Variants in GRID2 observed in about 807,000 individuals in gnomAD.
GRID2 encodes the protein glutamate ionotropic receptor delta type subunit 2, also known as glutamate receptor ionotropic, delta-2.
Under a neutral mutation model 114.8 loss-of-function variants are expected in GRID2, and 33 were observed. That is an observed-to-expected ratio of 0.29 (90% CI 0.22 to 0.38). The LOEUF is 0.38. Ranked by LOEUF, GRID2 falls within the 10% of genes least tolerant of loss-of-function variation. The pLI is 1.00. For synonymous variants in GRID2, 505 were observed against 449.9 expected (o/e 1.12, Z -1.55); for missense variants, 1,184 against 1,257.7 (o/e 0.94, Z 0.89).
intron 9 of GRID2, 54 bp downstream of exon 9, chr4:93,395,762 T>G: frequency 1.3e-6 from 1 of 765,496 alleles, no homozygotes; most frequent in Non-Finnish European, 2.3e-6. Context: ...CTTTATCCTA[T>G]ATTTCTTTCT....
At chr4:93,220,040 A>G (rs1744692942) in intron 6 of GRID2, among the ~76,000 whole-genome samples, 1 of 152,162 alleles carries the variant, frequency 6.6e-6, no homozygotes, top group Non-Finnish European at 1.5e-5. Context: ...ACACTTAGGA[A>G]GAGGACCAAG....
At position 92,943,357 on chromosome 4, in the gene GRID2, C is replaced by T. The variant is rs549155538; in HGVS notation, c.245-141638C>T. Among the ~76,000 whole-genome samples the T allele has an allele frequency of 2.0e-5, 3 of 152,274 alleles. No homozygotes were observed. The East Asian group carries it at 5.8e-4, about 29-fold the overall frequency. The stretch of plus-strand genomic sequence containing the variant: ...TCTTCCATCACTGATACCCTTTCTT[C>T]CAGTTGATCGCGTCGGCTACTGAGG... On this transcript the variant is annotated intron_variant, in intron 2 of 15. Coordinates refer to ENST00000282020, the MANE Select transcript of GRID2 (RefSeq NM_001510.4).
chr4:93,464,723 T>C (rs1444270887), intron 11 of GRID2, among the ~76,000 whole-genome samples: 4 of 152,174 alleles, frequency 2.6e-5, no homozygotes, highest in Admixed American at 2.0e-4. Context: ...AAAAGATAAA[T>C]GCATGACCCA....
At chr4:93,755,454 T>C (rs10012382) in intron 14 of GRID2, among the ~76,000 whole-genome samples, 134,149 of 152,106 alleles carry the variant, frequency 0.88, 59,168 homozygotes, top group East Asian at 0.97. Flanking sequence ...TATAAATAAC[T>C]ATTTATGTCA....
At chr4:93,279,276 T>G (rs1477803667) in intron 8 of GRID2, among the ~76,000 whole-genome samples, 1 of 151,804 alleles carries the variant, frequency 6.6e-6, no homozygotes, top group Non-Finnish European at 1.5e-5. Context: ...AGTTGTATAT[T>G]ACTTCACTTA....
chr4:93,410,298 A>G (rs1024591650), intron 9 of GRID2, among the ~76,000 whole-genome samples: 3 of 152,112 alleles, frequency 2.0e-5, no homozygotes, highest in Non-Finnish European at 4.4e-5. Context: ...CCTTTATTCT[A>G]CCAATTCTTT....
At chr4:92,394,082 G>C (rs1730378984) in intron 1 of GRID2, among the ~76,000 whole-genome samples, 1 of 152,086 alleles carries the variant, frequency 6.6e-6, no homozygotes. Flanking sequence ...AAATGCCACT[G>C]ATCTCATTTT....
chr4:93,322,987 T>A (rs951548567), intron 8 of GRID2, among the ~76,000 whole-genome samples: 1 of 152,222 alleles, frequency 6.6e-6, no homozygotes, highest in African/African-American at 2.4e-5. Context: ...TTTCTCCTAT[T>A]CTGTAGGTTG....
intron 2 of GRID2, among the ~76,000 whole-genome samples, chr4:93,008,032 C>CAAA (rs1273416294): frequency 1.6e-4 from 10 of 62,452 alleles, no homozygotes; most frequent in East Asian, 5.3e-4. Context: ...GAGACTGTCA[C>CAAA]AAAAAAAAAA....
chr4:92,508,844 T>A (rs1215574686), intron 1 of GRID2, among the ~76,000 whole-genome samples: 2 of 151,874 alleles, frequency 1.3e-5, no homozygotes, highest in Non-Finnish European at 2.9e-5. Flanking sequence ...GTTAGGAGGC[T>A]AATAAAATCC....
intron 1 of GRID2, among the ~76,000 whole-genome samples, chr4:92,503,132 C>T (rs1723773216): frequency 2.6e-5 from 4 of 151,974 alleles, no homozygotes. Context: ...ATCCAGAAAG[C>T]CTGTACTAAT....
rs1560586304 is a variant in GRID2 at position 92,777,501 on chromosome 4, TTTC to T, written c.244+187218_244+187220del. ...TACTCAAGGATCTGATACTACTACT[TTTC>T]TTTTTAGCCTCACCTCTTGATGCAT... On this transcript the variant is annotated intron_variant, in intron 2 of 15. Transcript: ENST00000282020. Among the ~76,000 whole-genome samples the T allele has an allele frequency of 2.0e-5, 3 of 152,062 alleles. No individual in the cohort carries two copies. In the South Asian group the frequency reaches 6.2e-4, roughly 31 times the overall value.
intron 1 of GRID2, among the ~76,000 whole-genome samples, chr4:92,548,089 T>C (rs1219588865): frequency 2.0e-5 from 3 of 152,114 alleles, no homozygotes; most frequent in Admixed American, 2.0e-4. Context: ...AAGGACAATT[T>C]GGAATAATAT....
At chr4:93,739,195 G>A (rs557627080) in intron 14 of GRID2, among the ~76,000 whole-genome samples, 2 of 151,788 alleles carry the variant, frequency 1.3e-5, no homozygotes, top group Non-Finnish European at 2.9e-5. Context: ...TATTTTCTAC[G>A]GTGTTTCCTC....
chr4:93,553,244 C>G (rs1466522280), intron 13 of GRID2, among the ~76,000 whole-genome samples: 1 of 152,172 alleles, frequency 6.6e-6, no homozygotes, highest in Non-Finnish European at 1.5e-5. Context: ...GCACTCCCAC[C>G]AACAGTGTAA....
intron 14 of GRID2, among the ~76,000 whole-genome samples, chr4:93,754,460 A>G (rs879340775): frequency 4.6e-5 from 7 of 152,200 alleles, no homozygotes. Flanking sequence ...CATTTGTTAT[A>G]TATGGAATGC....
rs1306127372 is a variant in GRID2, at chr4:93,415,566, G to A, written c.1348-7205G>A. On this transcript the variant is annotated intron_variant, in intron 9 of 15. Coordinates refer to ENST00000282020, the MANE Select transcript of GRID2 (RefSeq NM_001510.4). ...GGCAGAACCAACAAATGAGAACTAG[G>A]GTACTTAGGATTATTGTAATTGCCT... Among the ~76,000 whole-genome samples the A allele has an allele frequency of 3.3e-5, 5 of 151,846 alleles. No individual in the cohort carries two copies. The East Asian group carries it at 7.7e-4, about 23-fold the overall frequency.
intron 13 of GRID2, among the ~76,000 whole-genome samples, chr4:93,621,208 A>G (rs116026755): frequency 7.2e-4 from 110 of 152,326 alleles, no homozygotes; most frequent in African/African-American, 2.6e-3. Flanking sequence ...CTGGGAAGTG[A>G]GAAATTTATC....
intron 10 of GRID2, among the ~76,000 whole-genome samples, chr4:93,443,585 C>T (rs1721817283): frequency 6.6e-6 from 1 of 151,950 alleles, no homozygotes. Context: ...TTTACCTTGT[C>T]TGAGTCTTAG....
Sources: allele counts gnomAD v4.1 joint callset (sites outside exome capture counted in the v4.1 genomes callset), GRCh38; gene constraint gnomAD v4.1.1; transcripts MANE v1.5; gene names NCBI Gene and HGNC (gene_info 2026-07-23, HGNC 2026-07-21).